The following BTBD9 variants were observed in gnomAD, a reference collection of about 807,000 sequenced individuals.
BTBD9 encodes the protein BTB/POZ domain-containing protein 9.
In BTBD9, 49 loss-of-function variants were observed where a neutral mutation model predicts 64.3. The ratio of observed to expected loss-of-function variants is 0.76; its 90% CI spans 0.61 to 0.97. The LOEUF (loss-of-function observed/expected upper bound fraction) is 0.97. BTBD9 is among the 50% of genes least tolerant of loss of function. The pLI is 0.00. For synonymous variants in BTBD9, 260 were observed against 274.7 expected (o/e 0.95, Z 0.53); for missense variants, 598 against 762.1 (o/e 0.78, Z 2.53).
At chr6:38,601,968 T>A (rs943556785) in intron 1 of BTBD9, among the ~76,000 whole-genome samples, 1 of 152,214 alleles carries the variant, frequency 6.6e-6, no homozygotes, top group African/African-American at 2.4e-5. Flanking sequence ...TAACATGTAG[T>A]AATAAACTCA....
intron 9 of BTBD9, among the ~76,000 whole-genome samples, chr6:38,250,073 G>C (rs548420104): frequency 6.6e-6 from 1 of 152,280 alleles, no homozygotes; most frequent in South Asian, 2.1e-4. Flanking sequence ...TAACGCAGCA[G>C]ACATTCCACT....
intron 7 of BTBD9, among the ~76,000 whole-genome samples, chr6:38,326,151 G>C (rs1007608571): frequency 1.3e-5 from 2 of 152,102 alleles, no homozygotes; most frequent in Admixed American, 6.6e-5. Context: ...TAAATAAAAG[G>C]GGTGGGGTTT....
chr6:38,476,898 C>A (rs190556930), intron 6 of BTBD9, among the ~76,000 whole-genome samples: 234 of 152,308 alleles, frequency 1.5e-3, no homozygotes, highest in South Asian at 2.7e-3. Flanking sequence ...TATTACTATA[C>A]CTAATTTTCC....
intron 6 of BTBD9, among the ~76,000 whole-genome samples, chr6:38,506,280 C>G (rs986531059): frequency 2.0e-5 from 3 of 152,192 alleles, no homozygotes; most frequent in Non-Finnish European, 2.9e-5. Context: ...TACCAAACAT[C>G]ATAGCTTAGC....
intron 6 of BTBD9, among the ~76,000 whole-genome samples, chr6:38,464,029 C>CA (rs1163206716): frequency 6.6e-6 from 1 of 150,848 alleles, no homozygotes; most frequent in African/African-American, 2.4e-5. Flanking sequence ...GAGACCGTCT[C>CA]AAAAAAAAGG....
chr6:38,447,647 C>T (rs1769336720), intron 6 of BTBD9, among the ~76,000 whole-genome samples: 1 of 152,194 alleles, frequency 6.6e-6, no homozygotes, highest in Admixed American at 6.5e-5. Flanking sequence ...AATTACTAGA[C>T]ATCTTTTCTC....
chr6:38,467,068 C>T (rs570843656), intron 6 of BTBD9, among the ~76,000 whole-genome samples: 126 of 152,248 alleles, frequency 8.3e-4, no homozygotes, highest in African/African-American at 3.0e-3. Context: ...TTAGAATGTG[C>T]TAATGAGAGA....
chr6:38,485,737 T>G (rs1468804377), intron 6 of BTBD9, among the ~76,000 whole-genome samples: 2 of 152,170 alleles, frequency 1.3e-5, no homozygotes, highest in Non-Finnish European at 2.9e-5. Flanking sequence ...CTTAGGGCCC[T>G]AGGATTTTCA....
At chr6:38,284,643 C>CT (rs1761656724) in intron 8 of BTBD9, among the ~76,000 whole-genome samples, 1 of 152,122 alleles carries the variant, frequency 6.6e-6, no homozygotes. Flanking sequence ...TTGCCACAGG[C>CT]TTTTATGTAT....
intron 6 of BTBD9, among the ~76,000 whole-genome samples, chr6:38,400,014 G>A (rs373516513): frequency 3.0e-4 from 46 of 151,258 alleles, no homozygotes; most frequent in African/African-American, 1.0e-3. Flanking sequence ...CGCCCGCCTC[G>A]GCCTCCCAAA....
chr6:38,195,703 G>A lies in BTBD9; in HGVS notation c.1563-3106C>T, dbSNP rs972595533. On this transcript the variant is annotated intron_variant, in intron 9 of 10. Coordinates refer to ENST00000481247, the MANE Select transcript of BTBD9 (RefSeq NM_001099272.2). Reference sequence around the variant, plus strand: ...TTTAAATATGTATCTATACACATACGTATTATTTTTAAATTTTTAATTATT... The same window carrying A: ...TTTAAATATGTATCTATACACATACATATTATTTTTAAATTTTTAATTATT... Among the ~76,000 whole-genome samples, 4 of 151,706 alleles carry A rather than the reference G, an allele frequency of 2.6e-5. No individual in the cohort carries two copies. The East Asian group carries it at 5.8e-4, about 22-fold the overall frequency.
intron 7 of BTBD9, among the ~76,000 whole-genome samples, chr6:38,302,524 T>TATATATATATATATATAA (rs1762452603): frequency 1.5e-5 from 2 of 137,698 alleles, no homozygotes; most frequent in East Asian, 2.1e-4. Context: ...TATATATATA[T>TATATATATATATATATAA]CACATTCTCT....
chr6:38,352,685 T>C (rs1298940732), intron 6 of BTBD9, among the ~76,000 whole-genome samples: 1 of 152,224 alleles, frequency 6.6e-6, no homozygotes. Context: ...TATTCACATA[T>C]GGTAGCTTAA....
In BTBD9 at chr6:38,387,424, C is replaced by T. The variant is rs556754178; in HGVS notation, c.1155-42331G>A. ...TAGTGGCACATGCCTGTAATCCCAG[C>T]TACTCGGGAGGCTGGGGCAGGAGAA... is the stretch of plus-strand genomic sequence containing the variant. On this transcript the variant is annotated intron_variant, in intron 6 of 10. Coordinates refer to ENST00000481247, the MANE Select transcript of BTBD9 (RefSeq NM_001099272.2). Among the ~76,000 whole-genome samples, 12 of 152,302 alleles carry T rather than the reference C, an allele frequency of 7.9e-5. No individual in the cohort carries two copies. In the South Asian group the frequency reaches 2.5e-3, roughly 32 times the overall value.
At chr6:38,192,165 G>A (rs1056450559) in intron 10 of BTBD9, among the ~76,000 whole-genome samples, 1 of 152,146 alleles carries the variant, frequency 6.6e-6, no homozygotes, top group East Asian at 1.9e-4. Context: ...CCTGCTAGAC[G>A]CCACGCTCAG....
intron 7 of BTBD9, among the ~76,000 whole-genome samples, chr6:38,311,275 G>T (rs866040414): frequency 5.4e-4 from 81 of 151,084 alleles, no homozygotes; most frequent in Non-Finnish European, 8.8e-5. Flanking sequence ...TCTCTGGTAA[G>T]AATCATTCTA....
At chr6:38,210,253 A>G (rs1762784310) in intron 9 of BTBD9, among the ~76,000 whole-genome samples, 2 of 152,170 alleles carry the variant, frequency 1.3e-5, no homozygotes, top group Non-Finnish European at 2.9e-5. Context: ...TTTTAACTAT[A>G]TTCGTCTTCG....
intron 6 of BTBD9, among the ~76,000 whole-genome samples, chr6:38,428,313 A>T (rs1409233709): frequency 6.6e-6 from 1 of 151,066 alleles, no homozygotes; most frequent in African/African-American, 2.4e-5. Flanking sequence ...GGTTGAATTG[A>T]CCACTCCCAT....
chr6:38,264,594 A>T (rs1198304214), intron 8 of BTBD9, among the ~76,000 whole-genome samples: 3 of 152,222 alleles, frequency 2.0e-5, no homozygotes, highest in African/African-American at 7.2e-5. Context: ...GAATTAATAC[A>T]GCTTCAGAGA....
Sources: gnomAD v4.1 joint callset for allele counts (sites outside exome capture counted in the v4.1 genomes callset) on GRCh38, gnomAD v4.1.1 for gene constraint, MANE v1.5 for transcripts, NCBI Gene and HGNC (gene_info 2026-07-23, HGNC 2026-07-21) for gene names.